NOX4: variants seen among roughly 807,000 people sequenced by gnomAD.
The protein encoded by NOX4 is kidney oxidase-1.
In NOX4, 69 loss-of-function variants were observed where a neutral mutation model predicts 87.6. The ratio of observed to expected loss-of-function variants is 0.79; its 90% confidence interval spans 0.65 to 0.96. NOX4 has a LOEUF of 0.96. Among genes scored for constraint, NOX4 ranks in the 40% least tolerant of loss-of-function variants. The pLI is 0.00. For synonymous variants in NOX4, 275 were observed against 238.2 expected, an observed-to-expected ratio of 1.15 and a Z score of -1.42; for missense variants, 680 against 681.5, an observed-to-expected ratio of 1.00 and a Z score of 0.02.
At chr11:89,487,874 A>C (rs948585230) in intron 2 of NOX4, among the ~76,000 whole-genome samples, 1 of 152,224 alleles carries the variant, frequency 6.6e-6, no homozygotes, top group Non-Finnish European at 1.5e-5. Context: ...TGCAACACTT[A>C]TTATAAGATT....
the NOX4 span, among the ~76,000 whole-genome samples, chr11:89,553,058 T>G: frequency 6.6e-6 from 1 of 152,142 alleles, no homozygotes; most frequent in East Asian, 1.9e-4. Context: ...ACCAGGCTAG[T>G]TAACCTGCCC....
At chr11:89,531,704 G>A in the NOX4 span, among the ~76,000 whole-genome samples, 5 of 152,182 alleles carry the variant, frequency 3.3e-5, no homozygotes, top group African/African-American at 9.7e-5. Context: ...AGCAAGACAT[G>A]CCTTGCTTCC....
At chr11:89,577,485 A>G in the NOX4 span, 1 of 152,164 alleles carries the variant, frequency 6.6e-6, no homozygotes, top group African/African-American at 2.4e-5. Context: ...TTTATTATGA[A>G]TCAGGAACTT....
the NOX4 span, among the ~76,000 whole-genome samples, chr11:89,555,099 C>T: frequency 1.3e-5 from 2 of 152,072 alleles, no homozygotes; most frequent in African/African-American, 2.4e-5. Context: ...TGCCCCAGTT[C>T]TCCTTACCCT....
chr11:89,373,221 T>A (rs1939577254), intron 12 of NOX4, among the ~76,000 whole-genome samples: 1 of 146,466 alleles, frequency 6.8e-6, no homozygotes, highest in African/African-American at 2.6e-5. Flanking sequence ...TCAAAGGTAT[T>A]CTGATTGCAA....
At chr11:89,565,761 T>C in the NOX4 span, among the ~76,000 whole-genome samples, 1 of 152,078 alleles carries the variant, frequency 6.6e-6, no homozygotes, top group Admixed American at 6.5e-5. Flanking sequence ...TATTCCTACT[T>C]TGCTAAATAC....
chr11:89,339,464 T>C (rs1250266662), intron 15 of NOX4, among the ~76,000 whole-genome samples: 1 of 152,176 alleles, frequency 6.6e-6, no homozygotes, highest in Non-Finnish European at 1.5e-5. Context: ...TTTATCAGAA[T>C]TGTTTGAAAT....
chr11:89,486,451 G>A lies in NOX4; in HGVS notation c.153+4007C>T, dbSNP rs530435212. ...TGCAATTACATGCATGTGCCACCAC[G>A]CCCAGCTAATATATGTGTGTGTGTG... On this transcript the variant is annotated intron_variant, in intron 2 of 17. Coordinates refer to ENST00000263317, the MANE Select transcript of NOX4 (RefSeq NM_016931.5). 5.5e-5 allele frequency among the ~76,000 whole-genome samples: 8 copies of A among 145,770 alleles called. No individual in the cohort carries two copies. The East Asian group carries it at 6.0e-4, about 11-fold the overall frequency.
chr11:89,511,869 G>T, the NOX4 span, among the ~76,000 whole-genome samples: 1 of 151,984 alleles, frequency 6.6e-6, no homozygotes, highest in Non-Finnish European at 1.5e-5. Context: ...TTTACAAAAA[G>T]GCCTACGTCT....
intron 13 of NOX4, among the ~76,000 whole-genome samples, chr11:89,347,787 A>T (rs554439867): frequency 6.6e-6 from 1 of 152,318 alleles, no homozygotes. Flanking sequence ...CTATTACCAC[A>T]GTACAAACCA....
chr11:89,562,605 T>C, the NOX4 span, among the ~76,000 whole-genome samples: 3 of 152,320 alleles, frequency 2.0e-5, no homozygotes, highest in South Asian at 6.2e-4. Flanking sequence ...TTTTTCATCC[T>C]CATAAGGCTC....
chr11:89,521,912 C>T, the NOX4 span, among the ~76,000 whole-genome samples: 1 of 151,902 alleles, frequency 6.6e-6, no homozygotes, highest in East Asian at 1.9e-4. Flanking sequence ...ATATAAGTAG[C>T]CAACAAACGA....
chr11:89,461,600 G>A (rs947060772), intron 2 of NOX4, among the ~76,000 whole-genome samples: 3 of 150,352 alleles, frequency 2.0e-5, no homozygotes, highest in East Asian at 2.0e-4. Context: ...AGCCGAGATC[G>A]CGCCACTGCA....
chr11:89,475,459 A>C (rs1477218804), intron 2 of NOX4, among the ~76,000 whole-genome samples: 1 of 152,034 alleles, frequency 6.6e-6, no homozygotes. Flanking sequence ...ATTATTCCCT[A>C]ATGGTATGCA....
the NOX4 span, among the ~76,000 whole-genome samples, chr11:89,518,377 G>C: frequency 5.3e-5 from 8 of 151,416 alleles, no homozygotes; most frequent in Non-Finnish European, 1.0e-4. Flanking sequence ...AAGTCTTGGG[G>C]GGGGGACAAA....
intron 1 of NOX4, among the ~76,000 whole-genome samples, chr11:89,497,370 CT>C (rs1216614763): frequency 1.3e-5 from 2 of 151,836 alleles, no homozygotes; most frequent in Non-Finnish European, 2.9e-5. Context: ...CTTCAAACAG[CT>C]TTAAAGTATT....
At chr11:89,355,893 G>A (rs933102328) in intron 12 of NOX4, among the ~76,000 whole-genome samples, 5 of 152,064 alleles carry the variant, frequency 3.3e-5, no homozygotes, top group African/African-American at 1.2e-4. Flanking sequence ...AACATAAATG[G>A]AAGCAGCTCA....
chr11:89,435,116 T>C (rs1226066049), intron 6 of NOX4, among the ~76,000 whole-genome samples: 1 of 152,114 alleles, frequency 6.6e-6, no homozygotes, highest in Non-Finnish European at 1.5e-5. Context: ...TGTGTATAAT[T>C]AGTGTACTTC....
chr11:89,452,016 T>C, intron 2 of NOX4, 121 bp from the exon 3 acceptor site: 1 of 632,876 alleles, frequency 1.6e-6, no homozygotes, highest in East Asian at 2.8e-5. Context: ...TACCAGCTCC[T>C]TCAAAAGCCT....
Sources: gnomAD v4.1 joint callset for allele counts (sites outside exome capture counted in the v4.1 genomes callset) on GRCh38, gnomAD v4.1.1 for gene constraint, MANE v1.5 for transcripts, NCBI Gene and HGNC (gene_info 2026-07-23, HGNC 2026-07-21) for gene names.